TAFA4: variants seen among roughly 807,000 people sequenced by gnomAD.
The protein encoded by TAFA4 is TAFA chemokine like family member 4.
Under a neutral mutation model 21.1 loss-of-function variants are expected in TAFA4, and 20 were observed. That is an observed-to-expected ratio of 0.95 (90% confidence interval 0.67 to 1.38). The LOEUF (loss-of-function observed/expected upper bound fraction) is 1.38, where lower values mean the gene tolerates loss of function less well. TAFA4 is among the 40% of genes most tolerant of loss of function. The pLI is 0.00. For missense variants in TAFA4, 211 were observed against 180.9 expected (o/e 1.17, Z -0.95); for synonymous variants, 71 against 67.4 (o/e 1.05, Z -0.26).
intron 4 of TAFA4, among the ~76,000 whole-genome samples, chr3:68,741,265 G>C (rs1215319142): frequency 6.6e-6 from 1 of 152,110 alleles, no homozygotes; most frequent in African/African-American, 2.4e-5. Flanking sequence ...TCCAATCCAC[G>C]AACACAGGAT....
chr3:68,851,029 A>G (rs1704933215), intron 3 of TAFA4, among the ~76,000 whole-genome samples: 1 of 152,220 alleles, frequency 6.6e-6, no homozygotes, highest in East Asian at 1.9e-4. Flanking sequence ...TCTATTACAA[A>G]GATATATGTA....
intron 1 of TAFA4, among the ~76,000 whole-genome samples, chr3:68,903,056 C>A (rs2106987574): frequency 6.6e-6 from 1 of 152,242 alleles, no homozygotes; most frequent in South Asian, 2.1e-4. Flanking sequence ...TCCCAGCACC[C>A]TCCCTCTTCT....
rs565426883 is a variant in TAFA4 at position 68,734,109 on chromosome 3, A to G, written c.412-956T>C. On this transcript the variant is annotated intron_variant, in intron 5 of 5. Coordinates refer to ENST00000295569, the MANE Select transcript of TAFA4 (RefSeq NM_182522.5). Reference sequence around the variant, plus strand: ...CTTTATTTCATTCACAAAAGTAGCCATAGACAATAAATAAATGAATGGGCA... The same window carrying G: ...CTTTATTTCATTCACAAAAGTAGCCGTAGACAATAAATAAATGAATGGGCA... Among the ~76,000 whole-genome samples, 326 of 152,304 alleles carry G rather than the reference A, an allele frequency of 2.1e-3. 2 individuals carry two copies. Among genetic ancestry groups the G allele is most frequent in the African/African-American group, 7.5e-3 (311 of 41,570 alleles).
chr3:68,832,939 C>G (rs1704435351), intron 3 of TAFA4, among the ~76,000 whole-genome samples: 1 of 152,250 alleles, frequency 6.6e-6, no homozygotes, highest in African/African-American at 2.4e-5. Context: ...CGCCCATCTC[C>G]AGCATCCCAG....
intron 3 of TAFA4, among the ~76,000 whole-genome samples, chr3:68,827,748 ATTTG>A (rs1328001043): frequency 6.6e-6 from 1 of 152,054 alleles, no homozygotes; most frequent in Non-Finnish European, 1.5e-5. Flanking sequence ...TTTCTTTTAA[ATTTG>A]TTTAAGTTCT....
At chr3:68,874,064 C>G (rs2089518965) in intron 3 of TAFA4, among the ~76,000 whole-genome samples, 1 of 152,136 alleles carries the variant, frequency 6.6e-6, no homozygotes. Flanking sequence ...CTTCTAGGAT[C>G]CCATTACCCA....
At chr3:68,795,767 G>A (rs531360393) in intron 3 of TAFA4, among the ~76,000 whole-genome samples, 19 of 152,274 alleles carry the variant, frequency 1.2e-4, no homozygotes, top group African/African-American at 3.6e-4. Context: ...TGGTGCTTGC[G>A]GATGTTCGTT....
At chr3:68,804,637 G>A (rs1703651805) in intron 3 of TAFA4, among the ~76,000 whole-genome samples, 1 of 152,152 alleles carries the variant, frequency 6.6e-6, no homozygotes, top group Non-Finnish European at 1.5e-5. Flanking sequence ...AGAGGCCTCA[G>A]AAATAATGCC....
intron 3 of TAFA4, among the ~76,000 whole-genome samples, chr3:68,816,607 C>T (rs1331156198): frequency 2.0e-5 from 3 of 151,862 alleles, no homozygotes; most frequent in Admixed American, 1.3e-4. Flanking sequence ...TTATGGAATC[C>T]TCAGGGTTTT....
chr3:68,812,294 A>T (rs568602184), intron 3 of TAFA4, among the ~76,000 whole-genome samples: 1 of 152,330 alleles, frequency 6.6e-6, no homozygotes, highest in African/African-American at 2.4e-5. Flanking sequence ...AGCTAACATC[A>T]AAATGACAGG....
chr3:68,787,359 C>G (rs1703280301), intron 3 of TAFA4, among the ~76,000 whole-genome samples: 1 of 152,156 alleles, frequency 6.6e-6, no homozygotes, highest in Non-Finnish European at 1.5e-5. Context: ...AGCACATGCC[C>G]TCACTGTCAC....
intron 2 of TAFA4, 117 bp downstream of exon 2, chr3:68,885,058 A>T (rs1459177255): frequency 1.1e-6 from 1 of 945,314 alleles, no homozygotes. Flanking sequence ...CCAAATTCCC[A>T]AAAAGTGTAA....
At chr3:68,770,764 G>C (rs1020288154) in intron 3 of TAFA4, among the ~76,000 whole-genome samples, 3 of 152,280 alleles carry the variant, frequency 2.0e-5, no homozygotes, top group African/African-American at 4.8e-5. Context: ...GATACAGGAA[G>C]AGGGCAGGGA....
intron 3 of TAFA4, among the ~76,000 whole-genome samples, chr3:68,861,663 G>A (rs564467444): frequency 2.0e-5 from 3 of 152,064 alleles, no homozygotes; most frequent in South Asian, 2.1e-4. Flanking sequence ...AGAGCAGAGT[G>A]AGCCAACCCC....
At chr3:68,917,753 C>CCAAAAAAAAAA (rs764665164) in intron 1 of TAFA4, among the ~76,000 whole-genome samples, 2 of 58,184 alleles carry the variant, frequency 3.4e-5, no homozygotes, top group African/African-American at 1.3e-4. Flanking sequence ...GACTCTGTCT[C>CCAAAAAAAAAA]AAAAAAAAAA....
At chr3:68,736,459 G>T (rs1702243180) in intron 5 of TAFA4, among the ~76,000 whole-genome samples, 1 of 152,074 alleles carries the variant, frequency 6.6e-6, no homozygotes, top group African/African-American at 2.4e-5. Context: ...TAATATTCAA[G>T]TTAACTGCCA....
At chr3:68,834,375 A>G (rs776836372) in intron 3 of TAFA4, among the ~76,000 whole-genome samples, 10 of 152,288 alleles carry the variant, frequency 6.6e-5, no homozygotes, top group Admixed American at 3.9e-4. Flanking sequence ...AGCTATCTAT[A>G]TAACTTTTTT....
chr3:68,791,983 T>G (rs888214727), intron 3 of TAFA4, among the ~76,000 whole-genome samples: 23 of 152,162 alleles, frequency 1.5e-4, no homozygotes, highest in African/African-American at 5.3e-4. Flanking sequence ...GAGATTTAGA[T>G]TCTAAAAAAA....
intron 3 of TAFA4, among the ~76,000 whole-genome samples, chr3:68,867,141 C>T (rs1053705770): frequency 3.3e-5 from 5 of 151,826 alleles, no homozygotes; most frequent in Non-Finnish European, 7.4e-5. Context: ...AATAATCAAA[C>T]TCTCAAAGGT....
Sources: gnomAD v4.1 joint callset for allele counts (sites outside exome capture counted in the v4.1 genomes callset) on GRCh38, gnomAD v4.1.1 for gene constraint, MANE v1.5 for transcripts, NCBI Gene and HGNC (gene_info 2026-07-23, HGNC 2026-07-21) for gene names.